The following MGAT4C variants were observed in gnomAD, a reference collection of about 807,000 sequenced individuals.
MGAT4C encodes alpha-1,3-mannosyl-glycoprotein 4-beta-N-acetylglucosaminyltransferase C.
In MGAT4C, 19 loss-of-function variants were observed where a neutral mutation model predicts 40.1. The observed-to-expected ratio is 0.47, with a 90% confidence interval of 0.33 to 0.70. MGAT4C has a LOEUF of 0.70. Among genes scored for constraint, MGAT4C ranks in the 30% least tolerant of loss-of-function variants. MGAT4C has a pLI of 0.02. For synonymous variants in MGAT4C, 181 were observed against 187.1 expected (o/e 0.97, Z 0.27); for missense variants, 491 against 563.2 (o/e 0.87, Z 1.30).
At chr12:86,277,787 G>T (rs1446473838) in intron 4 of MGAT4C, among the ~76,000 whole-genome samples, 1 of 151,948 alleles carries the variant, frequency 6.6e-6, no homozygotes. Context: ...ATGCTGTTTT[G>T]GTTACTATAG....
At chr12:86,218,627 T>G (rs1324536122) in intron 1 of MGAT4C, among the ~76,000 whole-genome samples, 1 of 152,184 alleles carries the variant, frequency 6.6e-6, no homozygotes, top group Admixed American at 6.5e-5. Context: ...ACCATTTAAC[T>G]GAGTAAGAAT....
At chr12:86,251,577 G>A (rs1489563188) in intron 1 of MGAT4C, among the ~76,000 whole-genome samples, 1 of 151,958 alleles carries the variant, frequency 6.6e-6, no homozygotes, top group Non-Finnish European at 1.5e-5. Context: ...AAAAGTTGCT[G>A]GAACTTAACT....
At chr12:86,472,916 A>G (rs978514957) in intron 2 of MGAT4C, among the ~76,000 whole-genome samples, 14 of 152,112 alleles carry the variant, frequency 9.2e-5, no homozygotes, top group African/African-American at 3.4e-4. Context: ...ATAAAATGAG[A>G]AAGAGAGGAA....
intron 1 of MGAT4C, among the ~76,000 whole-genome samples, chr12:86,071,084 A>G (rs1271332859): frequency 5.9e-5 from 9 of 152,210 alleles, no homozygotes; most frequent in African/African-American, 2.2e-4. Flanking sequence ...TAGGCAATGG[A>G]CAATATGACA....
intron 2 of MGAT4C, among the ~76,000 whole-genome samples, chr12:86,450,915 AATAG>A (rs1957416641): frequency 6.6e-6 from 1 of 152,156 alleles, no homozygotes; most frequent in Admixed American, 6.6e-5. Context: ...GATATATTGC[AATAG>A]ATATAGTATA....
chr12:85,985,216 G>A (rs1234389739), intron 3 of MGAT4C, among the ~76,000 whole-genome samples: 2 of 152,120 alleles, frequency 1.3e-5, no homozygotes, highest in African/African-American at 4.8e-5. Flanking sequence ...GTTAATTAAA[G>A]CCTTGTTCTA....
chr12:86,437,752 T>C (rs1957162118), intron 2 of MGAT4C, among the ~76,000 whole-genome samples: 1 of 152,044 alleles, frequency 6.6e-6, no homozygotes, highest in African/African-American at 2.4e-5. Flanking sequence ...ATTATTATTG[T>C]ATATTTTATC....
At position 86,504,997 on chromosome 12, in the gene MGAT4C, T is replaced by A. The variant is rs936311697; in HGVS notation, c.-228-69732A>T. On this transcript the variant is annotated intron_variant, in intron 2 of 7. Transcript: ENST00000548651. ...AAGGATACAATATCTTAGTCATACA[T>A]ACATAATTGCACAGAAGACCTAGCA... Among the ~76,000 whole-genome samples the A allele has an allele frequency of 3.3e-5, 5 of 152,298 alleles. No homozygotes were observed. In the South Asian group the frequency reaches 6.2e-4, roughly 19 times the overall value.
chr12:86,179,595 G>T (rs1349404185), intron 1 of MGAT4C, among the ~76,000 whole-genome samples: 1 of 152,186 alleles, frequency 6.6e-6, no homozygotes, highest in Non-Finnish European at 1.5e-5. Flanking sequence ...TGAGGAACTT[G>T]TTGGGAACTG....
At chr12:86,097,713 A>G (rs1874202321) in intron 1 of MGAT4C, among the ~76,000 whole-genome samples, 1 of 151,570 alleles carries the variant, frequency 6.6e-6, no homozygotes, top group Non-Finnish European at 1.5e-5. Flanking sequence ...AGTACTTTTA[A>G]TTCATTTATA....
chr12:86,176,668 T>G (rs887951000), intron 1 of MGAT4C, among the ~76,000 whole-genome samples: 1 of 151,722 alleles, frequency 6.6e-6, no homozygotes, highest in African/African-American at 2.4e-5. Flanking sequence ...GTTTCCTCCT[T>G]TAATAGTTTA....
chr12:86,133,466 A>G (rs1196921621), intron 1 of MGAT4C, among the ~76,000 whole-genome samples: 1 of 152,170 alleles, frequency 6.6e-6, no homozygotes, highest in Non-Finnish European at 1.5e-5. Flanking sequence ...CAGTTTGATA[A>G]TTTTCTCTAA....
At chr12:86,542,658 A>T (rs1959174299) in intron 2 of MGAT4C, among the ~76,000 whole-genome samples, 1 of 152,136 alleles carries the variant, frequency 6.6e-6, no homozygotes, top group African/African-American at 2.4e-5. Flanking sequence ...TCAGTACCTG[A>T]TATGCTGTAG....
intron 1 of MGAT4C, among the ~76,000 whole-genome samples, chr12:86,800,399 C>T (rs1952204271): frequency 6.6e-6 from 1 of 151,860 alleles, no homozygotes; most frequent in Admixed American, 6.6e-5. Context: ...TGATTTGTGA[C>T]CTGCTTGCCT....
At chr12:86,226,661 G>A (rs781136439) in intron 1 of MGAT4C, among the ~76,000 whole-genome samples, 4 of 151,814 alleles carry the variant, frequency 2.6e-5, no homozygotes, top group Admixed American at 1.3e-4. Flanking sequence ...TATATATTTT[G>A]TCATGAAGTA....
intron 1 of MGAT4C, among the ~76,000 whole-genome samples, chr12:86,730,330 G>T (rs1368788041): frequency 6.6e-6 from 1 of 151,920 alleles, no homozygotes; most frequent in East Asian, 1.9e-4. Context: ...ACCTCAATTT[G>T]TTTTAAGGGT....
intron 2 of MGAT4C, among the ~76,000 whole-genome samples, chr12:86,022,158 A>T (rs1309145548): frequency 6.6e-6 from 1 of 152,260 alleles, no homozygotes; most frequent in Non-Finnish European, 1.5e-5. Flanking sequence ...GCTATGCACA[A>T]TGACTGCAAT....
At chr12:86,161,529 G>A (rs1885588599) in intron 1 of MGAT4C, among the ~76,000 whole-genome samples, 1 of 152,026 alleles carries the variant, frequency 6.6e-6, no homozygotes, top group African/African-American at 2.4e-5. Flanking sequence ...CGATTTAAAT[G>A]TTAAAACCTG....
At chr12:86,047,004 G>C (rs757218632) in intron 2 of MGAT4C, among the ~76,000 whole-genome samples, 1 of 152,072 alleles carries the variant, frequency 6.6e-6, no homozygotes, top group Non-Finnish European at 1.5e-5. Flanking sequence ...TTTATTCTTA[G>C]TGGTAGAGGA....
Sources: allele counts gnomAD v4.1 joint callset (sites outside exome capture counted in the v4.1 genomes callset), GRCh38; gene constraint gnomAD v4.1.1; transcripts MANE v1.5; gene names NCBI Gene and HGNC (gene_info 2026-07-23, HGNC 2026-07-21).